CSMD2: variants seen among roughly 807,000 people sequenced by gnomAD.
The protein encoded by CSMD2 is CUB and Sushi multiple domains 2, also known as CUB and sushi domain-containing protein 2.
Under a neutral mutation model 398.5 loss-of-function variants are expected in CSMD2, and 130 were observed. The observed-to-expected ratio is 0.33, with a 90% CI of 0.28 to 0.38. The LOEUF (loss-of-function observed/expected upper bound fraction) is 0.38. Among genes scored for constraint, CSMD2 ranks in the 10% least tolerant of loss-of-function variants. The pLI is 1.00. For synonymous variants in CSMD2, 1,828 were observed against 1,908.5 expected, an observed-to-expected ratio of 0.96 and a Z score of 1.10; for missense variants, 3,829 against 4,764.9, an observed-to-expected ratio of 0.80 and a Z score of 5.78.
chr1:33,975,519 A>G lies in CSMD2; in HGVS notation c.518-39565T>C, dbSNP rs893106222. Among the ~76,000 whole-genome samples, 14 of 151,926 alleles carry G rather than the reference A, an allele frequency of 9.2e-5. No individual in the cohort carries two copies. In the South Asian group the frequency reaches 2.7e-3, roughly 29 times the overall value. ...CACACACACACACACACACAAGTGC[A>G]TAAATGTCCCAAGTCCACCGATTAG... On this transcript the variant is annotated intron_variant, in intron 3 of 70. Coordinates refer to ENST00000373381, the MANE Select transcript of CSMD2 (RefSeq NM_001281956.2).
At chr1:33,759,002 T>C (rs759953580) in intron 13 of CSMD2, among the ~76,000 whole-genome samples, 3 of 152,208 alleles carry the variant, frequency 2.0e-5, no homozygotes, top group Non-Finnish European at 2.9e-5. Context: ...TAAATATTTA[T>C]TGTTTCAAGT....
chr1:33,534,019 A>C, intron 62 of CSMD2, 112 bp from the exon 63 acceptor site: 5 of 635,796 alleles, frequency 7.9e-6, no homozygotes, highest in East Asian at 5.7e-5. Context: ...TGCCTGCAAA[A>C]CTCTTTTTCT....
At chr1:33,844,287 T>TGTG (rs1553229741) in intron 6 of CSMD2, among the ~76,000 whole-genome samples, 1 of 151,588 alleles carries the variant, frequency 6.6e-6, no homozygotes, top group East Asian at 2.0e-4. Context: ...TGTGTGTGTG[T>TGTG]GGGGGGGCGC....
chr1:33,933,916 A>T (rs1161107251), intron 4 of CSMD2, among the ~76,000 whole-genome samples: 1 of 152,096 alleles, frequency 6.6e-6, no homozygotes, highest in African/African-American at 2.4e-5. Flanking sequence ...GTGGCAACTC[A>T]GATTGATTGG....
intron 48 of CSMD2, among the ~76,000 whole-genome samples, chr1:33,580,124 G>A (rs185001165): frequency 1.0e-3 from 153 of 152,296 alleles, no homozygotes; most frequent in Admixed American, 9.1e-3. Context: ...CCAAGCTTGC[G>A]GAGCCCAGTC....
chr1:34,103,392 G>A (rs867660587), intron 1 of CSMD2, among the ~76,000 whole-genome samples: 1 of 145,202 alleles, frequency 6.9e-6, no homozygotes. Context: ...TCCGCCTCCC[G>A]GGTTCACGCC....
Position 33,929,238 on chromosome 1 carries a change from C to T in CSMD2, c.712+6522G>A, listed in dbSNP as rs183732168. 1.2e-4 allele frequency among the ~76,000 whole-genome samples: 18 copies of T among 152,200 alleles called. 1 individual carries two copies. The highest frequency in any genetic ancestry group is 3.4e-4 in the African/African-American group (14 of 41,502). On this transcript the variant is annotated intron_variant, in intron 4 of 70. Coordinates refer to ENST00000373381, the MANE Select transcript of CSMD2 (RefSeq NM_001281956.2). ...TACGCCTGTCCCTCCACCTCTACTC[C>T]GGCCACCCTCGACCAAGATGCAGCA...
chr1:33,541,235 C>T lies in CSMD2; in HGVS notation c.9352G>A (p.Val3118Met). The T allele has an allele frequency of 6.2e-7, 1 of 1,614,086 alleles. No individual in the cohort carries two copies. Among genetic ancestry groups the T allele is most frequent in the Non-Finnish European group, 8.5e-7 (1 of 1,179,972 alleles). Residue 3118 changes from valine to methionine, a missense_variant, in exon 59 of 71, where the codon GTG (valine) becomes ATG (methionine). Physicochemically the swap from Val to Met is conservative, Grantham distance 21. Transcript: ENST00000373381. Reference protein sequence around the residue: ...LGNDFRYNKTVTYQCVPGYMM... With the variant: ...LGNDFRYNKTMTYQCVPGYMM... ...TAGCCAGGGACACACTGATATGTCA[C>T]AGTTTTGTTGTACCTGAAGTCATTG...
chr1:33,620,288 T>C (rs1005424316), intron 37 of CSMD2, among the ~76,000 whole-genome samples: 10 of 152,244 alleles, frequency 6.6e-5, no homozygotes, highest in Non-Finnish European at 1.2e-4. Context: ...GCCTGTACAA[T>C]AGCAGTTAAT....
intron 44 of CSMD2, among the ~76,000 whole-genome samples, chr1:33,589,064 G>A (rs1006715699): frequency 6.6e-6 from 1 of 152,140 alleles, no homozygotes; most frequent in Non-Finnish European, 1.5e-5. Context: ...TTCTATAGAC[G>A]CACTCGCTGA....
chr1:33,726,948 A>AAGT (rs1240191720), intron 15 of CSMD2, among the ~76,000 whole-genome samples: 3 of 152,168 alleles, frequency 2.0e-5, no homozygotes, highest in African/African-American at 7.2e-5. Context: ...AGAAGGGCTG[A>AAGT]AGTACAACTA....
chr1:33,712,514 G>T (rs1023604263), intron 21 of CSMD2, among the ~76,000 whole-genome samples: 5 of 152,210 alleles, frequency 3.3e-5, no homozygotes, highest in Admixed American at 2.6e-4. Context: ...GTAATTAGAG[G>T]TGACTATAAC....
At chr1:33,756,332 T>A (rs1375530978) in intron 13 of CSMD2, among the ~76,000 whole-genome samples, 1 of 152,176 alleles carries the variant, frequency 6.6e-6, no homozygotes, top group Non-Finnish European at 1.5e-5. Flanking sequence ...GCACCTGCTA[T>A]GTGTCTGTCC....
chr1:33,625,275 G>A, intron 33 of CSMD2, 21 bp from the exon 34 acceptor site: 1 of 1,599,300 alleles, frequency 6.3e-7, no homozygotes, highest in African/African-American at 1.3e-5. Context: ...CAAGGGCACT[G>A]AGGGGAGGCC....
At chr1:33,752,829 G>T (rs1366646714) in intron 13 of CSMD2, among the ~76,000 whole-genome samples, 1 of 152,212 alleles carries the variant, frequency 6.6e-6, no homozygotes, top group Admixed American at 6.5e-5. Flanking sequence ...AACTTATGGG[G>T]AATTGGTGTA....
At chr1:33,796,900 T>C (rs1655018648) in intron 10 of CSMD2, among the ~76,000 whole-genome samples, 1 of 151,906 alleles carries the variant, frequency 6.6e-6, no homozygotes, top group Non-Finnish European at 1.5e-5. Flanking sequence ...GCTCTGGGAG[T>C]GTCTGTCTTA....
chr1:33,867,202 A>C (rs1166999467), intron 5 of CSMD2, among the ~76,000 whole-genome samples: 2 of 152,240 alleles, frequency 1.3e-5, no homozygotes, highest in African/African-American at 4.8e-5. Context: ...TAAGTGGTCA[A>C]GTTTGAGAAG....
chr1:34,044,727 A>T (rs1334426469), intron 2 of CSMD2, among the ~76,000 whole-genome samples: 1 of 152,224 alleles, frequency 6.6e-6, no homozygotes, highest in Non-Finnish European at 1.5e-5. Context: ...ATATAGAATT[A>T]CCTAGGAATA....
chr1:33,615,679 A>G (rs1641338768), intron 39 of CSMD2, among the ~76,000 whole-genome samples: 1 of 152,222 alleles, frequency 6.6e-6, no homozygotes, highest in Non-Finnish European at 1.5e-5. Context: ...GTAAACCCCT[A>G]ATGAACAGCA....
Sources: gnomAD v4.1 joint callset for allele counts (sites outside exome capture counted in the v4.1 genomes callset) on GRCh38, gnomAD v4.1.1 for gene constraint, MANE v1.5 for transcripts, NCBI Gene and HGNC (gene_info 2026-07-23, HGNC 2026-07-21) for gene names.